The following TEKT3 variants were observed in gnomAD, a reference collection of about 807,000 sequenced individuals.
The protein encoded by TEKT3 is tektin 3.
Under a neutral mutation model 49.8 loss-of-function variants are expected in TEKT3, and 49 were observed. That is an observed-to-expected ratio of 0.98 (90% CI 0.78 to 1.25). The LOEUF is 1.25. Among genes scored for constraint, TEKT3 ranks in the 50% most tolerant of loss-of-function variants. TEKT3 has a pLI of 0.00. For missense variants in TEKT3, 595 were observed against 629.5 expected, an observed-to-expected ratio of 0.95 and a Z score of 0.59; for synonymous variants, 225 against 237.2, an observed-to-expected ratio of 0.95 and a Z score of 0.47.
chr17:15,338,996 T>A (rs1903344679), intron 2 of TEKT3, among the ~76,000 whole-genome samples: 1 of 152,192 alleles, frequency 6.6e-6, no homozygotes, highest in Admixed American at 6.5e-5. Context: ...TTGGTTTGAA[T>A]GTTTCCCTCT....
intron 5 of TEKT3, among the ~76,000 whole-genome samples, chr17:15,314,562 G>A (rs1364587975): frequency 6.6e-6 from 1 of 152,156 alleles, no homozygotes; most frequent in South Asian, 2.1e-4. Context: ...CTTCCAGACA[G>A]GACACGGGTT....
chr17:15,322,581 G>C (rs1335545693), intron 4 of TEKT3, among the ~76,000 whole-genome samples: 1 of 152,200 alleles, frequency 6.6e-6, no homozygotes, highest in Non-Finnish European at 1.5e-5. Context: ...GCTGTGGCCT[G>C]AGTTGTGGAT....
chr17:15,329,872 GT>G (rs1322878302), intron 3 of TEKT3, among the ~76,000 whole-genome samples: 7 of 152,192 alleles, frequency 4.6e-5, no homozygotes, highest in African/African-American at 1.4e-4. Flanking sequence ...GGTGCTAGCT[GT>G]GCTCATCAAA....
intron 4 of TEKT3, among the ~76,000 whole-genome samples, chr17:15,320,763 A>T (rs181058083): frequency 2.9e-3 from 447 of 152,256 alleles, no homozygotes; most frequent in African/African-American, 0.011. Context: ...GTTGTGCATC[A>T]GTCTTAGTAT....
intron 2 of TEKT3, among the ~76,000 whole-genome samples, chr17:15,333,894 C>T (rs945292659): frequency 2.0e-5 from 3 of 151,772 alleles, no homozygotes; most frequent in Admixed American, 2.0e-4. Context: ...TCCCGAGTAG[C>T]TGGGACTACA....
chr17:15,307,886 G>A (rs230893), intron 8 of TEKT3, among the ~76,000 whole-genome samples: 124,897 of 152,170 alleles, frequency 0.82, 51,588 homozygotes, highest in African/African-American at 0.93. Context: ...AAATGAAGCC[G>A]GATTGTGGCG....
chr17:15,317,416 A>G (rs887167679), intron 5 of TEKT3, among the ~76,000 whole-genome samples: 2 of 152,254 alleles, frequency 1.3e-5, no homozygotes, highest in South Asian at 4.1e-4. Flanking sequence ...CACACTAAAC[A>G]TGTTTCTAAA....
chr17:15,303,914 A>G lies in TEKT3; in HGVS notation c.*22T>C, dbSNP rs374888461. ...GGCTCAGCCTTAACTTAGGGGTATC[A>G]AAACCACACCCGGTGGGGTCCCTAG... On this transcript the variant is annotated 3_prime_UTR_variant, in exon 9 of 9. Transcript: ENST00000395930. 6.8e-6 allele frequency: 11 copies of G among 1,612,322 alleles called. No individual in the cohort carries two copies. Among genetic ancestry groups the G allele is most frequent in the Non-Finnish European group, 8.5e-6 (10 of 1,179,378 alleles).
At position 15,304,243 on chromosome 17, in the gene TEKT3, C is replaced by T. The variant is rs76554905; in HGVS notation, c.1257-91G>A. 7.7e-7 allele frequency: 1 copy of T among 1,293,924 alleles called. No homozygotes were observed. The highest frequency in any genetic ancestry group is 1.3e-5 in the South Asian group (1 of 76,392). The allele number at this position is 1,293,924 out of a possible 1,614,324, so 80.2% of individuals were successfully genotyped here. ...ATTGTAACCAGCGATGCAAAGCTCA[C>T]ATTTTCTTTACTTTAGGATATATTT... is the stretch of plus-strand genomic sequence containing the variant. On this transcript the variant is annotated intron_variant, in intron 8 of 8. Coordinates refer to ENST00000395930, the MANE Select transcript of TEKT3 (RefSeq NM_031898.3). This position sits in a 1 kb window ranked among gnomAD's most constrained non-coding sequence, Gnocchi z 4.7.
At position 15,314,148 on chromosome 17, in the gene TEKT3, G is replaced by A. The variant is rs1910897306; in HGVS notation, c.817C>T (p.His273Tyr). The change falls in exon 6 of 9, where the codon CAC (histidine) becomes TAC (tyrosine). Residue 273 changes from histidine to tyrosine, a missense_variant. Coordinates refer to ENST00000395930, the MANE Select transcript of TEKT3 (RefSeq NM_031898.3). The stretch of plus-strand genomic sequence containing the variant: ...ACACCGTCTGATGTGTTGCGCAGGT[G>A]GTGGCATTTGTCGTCGATCCGGTAA... Reference protein sequence around the residue: ...TAYRIDDKCHHLRNTSDGVGY... With the variant: ...TAYRIDDKCHYLRNTSDGVGY... The A allele has an allele frequency of 6.2e-7, 1 of 1,614,108 alleles. No homozygotes were observed. Among genetic ancestry groups the A allele is most frequent in the Admixed American group, 1.7e-5 (1 of 60,010 alleles).
Position 15,331,372 on chromosome 17 carries a change from A to T in TEKT3, c.214T>A (p.Ser72Thr). The T allele has an allele frequency of 3.1e-6, 5 of 1,614,132 alleles. No individual in the cohort carries two copies. The highest frequency in any genetic ancestry group is 3.4e-6 in the Non-Finnish European group (4 of 1,180,032). ...SPSVAPYCTRSQRVSENTMLP... is the reference protein window; with the variant it reads ...SPSVAPYCTRTQRVSENTMLP... Reference sequence around the variant, plus strand: ...ATGGTATTCTCGGACACCCTCTGTGATCTGGTGCAGTACGGGGCCACGCTT... The same window carrying T: ...ATGGTATTCTCGGACACCCTCTGTGTTCTGGTGCAGTACGGGGCCACGCTT... The change falls in exon 3 of 9, where the codon TCA becomes ACA. Residue 72 changes from serine to threonine, a missense_variant. Physicochemically the swap from Ser to Thr is moderately conservative, Grantham distance 58. Transcript: ENST00000395930.
chr17:15,336,241 G>A (rs1281992268), intron 2 of TEKT3, among the ~76,000 whole-genome samples: 2 of 151,732 alleles, frequency 1.3e-5, no homozygotes, highest in Admixed American at 1.3e-4. Context: ...GACATATTTG[G>A]AAAAAAAGAA....
intron 8 of TEKT3, among the ~76,000 whole-genome samples, chr17:15,308,331 TTTTG>T (rs774467164): frequency 1.5e-4 from 23 of 152,192 alleles, no homozygotes; most frequent in Non-Finnish European, 2.9e-4. Flanking sequence ...TAATAGCACT[TTTTG>T]TGTGTGTAGC....
chr17:15,324,442 C>T lies in TEKT3; in HGVS notation c.663+3550G>A, dbSNP rs188686107. Among the ~76,000 whole-genome samples the T allele has an allele frequency of 3.8e-3, 576 of 152,222 alleles. 1 individual carries two copies. Among genetic ancestry groups the T allele is most frequent in the Non-Finnish European group, 6.1e-3 (418 of 67,992 alleles). On this transcript the variant is annotated intron_variant, in intron 4 of 8. Coordinates refer to ENST00000395930, the MANE Select transcript of TEKT3 (RefSeq NM_031898.3). ...TTTGTTTGGGCATATGTTTTCTTTT[C>T]TCCTGGAATGATGCTTGGGAGTAGA...
chr17:15,309,875 A>G (rs923129071), intron 7 of TEKT3, among the ~76,000 whole-genome samples: 7 of 152,072 alleles, frequency 4.6e-5, no homozygotes, highest in African/African-American at 1.4e-4. Context: ...TTCTCTTGCC[A>G]AGTGTTGTTC....
intron 4 of TEKT3, among the ~76,000 whole-genome samples, chr17:15,321,013 A>AT (rs10695008): frequency 0.24 from 34,481 of 145,308 alleles, 4,269 homozygotes; most frequent in African/African-American, 0.29. Flanking sequence ...TACAACAATA[A>AT]TTTTTTTTTT....
intron 2 of TEKT3, among the ~76,000 whole-genome samples, chr17:15,336,919 C>T (rs970332363): frequency 1.3e-5 from 2 of 152,066 alleles, no homozygotes; most frequent in Admixed American, 1.3e-4. Flanking sequence ...CACAAATTTA[C>T]AATGGAGCTT....
chr17:15,313,031 A>G (rs1910837908), intron 6 of TEKT3, among the ~76,000 whole-genome samples: 1 of 152,222 alleles, frequency 6.6e-6, no homozygotes, highest in East Asian at 1.9e-4. Context: ...CAGAACTTCC[A>G]CTTCTAGAAA....
intron 8 of TEKT3, among the ~76,000 whole-genome samples, chr17:15,308,161 T>C (rs936259761): frequency 2.0e-5 from 3 of 152,144 alleles, no homozygotes; most frequent in Non-Finnish European, 4.4e-5. Flanking sequence ...GTGGAATTGG[T>C]ACTGAAAGTC....
Sources: allele counts gnomAD v4.1 joint callset (sites outside exome capture counted in the v4.1 genomes callset), GRCh38; gene constraint gnomAD v4.1.1; non-coding constraint Gnocchi (gnomAD v3.1); transcripts MANE v1.5; gene names NCBI Gene and HGNC (gene_info 2026-07-23, HGNC 2026-07-21).